The following LONP2 variants were observed in gnomAD, a reference collection of about 807,000 sequenced individuals.
The protein encoded by LONP2 is lon protease homolog 2, peroxisomal.
A neutral mutation model predicts 85.6 loss-of-function variants in LONP2; 60 were observed. The ratio of observed to expected loss-of-function variants is 0.70; its 90% confidence interval spans 0.57 to 0.87. LONP2 has a LOEUF of 0.87. LONP2 is among the 40% of genes least tolerant of loss of function. The pLI is 0.00. For synonymous variants in LONP2, 395 were observed against 389.7 expected, an observed-to-expected ratio of 1.01 and a Z score of -0.16; for missense variants, 860 against 1,063.5, an observed-to-expected ratio of 0.81 and a Z score of 2.66.
intron 11 of LONP2, among the ~76,000 whole-genome samples, chr16:48,316,645 A>G (rs763102992): frequency 1.3e-5 from 2 of 152,090 alleles, no homozygotes; most frequent in Non-Finnish European, 2.9e-5. Flanking sequence ...TTGTATATAT[A>G]TGGACTCCAA....
chr16:48,291,683 A>C (rs1024256328), intron 8 of LONP2, among the ~76,000 whole-genome samples: 1 of 152,222 alleles, frequency 6.6e-6, no homozygotes, highest in Admixed American at 6.5e-5. Flanking sequence ...GGGCAGTAGA[A>C]TCCCTGCTCT....
intron 12 of LONP2, 47 bp from the exon 13 acceptor site, chr16:48,347,460 C>T: frequency 6.3e-7 from 1 of 1,591,586 alleles, no homozygotes; most frequent in East Asian, 2.2e-5. Flanking sequence ...GTATCAGTCA[C>T]CTTTAGCATT....
At chr16:48,340,462 C>A (rs1206431091) in intron 12 of LONP2, among the ~76,000 whole-genome samples, 3 of 152,182 alleles carry the variant, frequency 2.0e-5, no homozygotes, top group East Asian at 1.9e-4. Context: ...TATTTAATAA[C>A]CTTATACCAC....
At chr16:48,337,121 T>C (rs181831122) in intron 12 of LONP2, among the ~76,000 whole-genome samples, 16 of 152,370 alleles carry the variant, frequency 1.1e-4, no homozygotes, top group Middle Eastern at 6.8e-3. Flanking sequence ...AAATGAATTG[T>C]ACAAATTCAC....
intron 1 of LONP2, among the ~76,000 whole-genome samples, chr16:48,246,493 A>C (rs11076560): frequency 0.047 from 7,150 of 152,318 alleles, 237 homozygotes; most frequent in Middle Eastern, 0.15. Context: ...GAACTTGAAA[A>C]GTCGATTTAG....
chr16:48,261,558 C>A lies in LONP2; in HGVS notation c.858C>A (p.Ala286=). ...KIRTSSMPEQ[A]HKVCVKEIKR... ...GAACATCTAGTATGCCAGAGCAGGC[C>A]CATAAAGTCTGTGTCAAAGAGATAA... The change falls in exon 5 of 15, where the codon GCC becomes GCA. Residue 286 remains alanine (A), a synonymous_variant. Coordinates refer to ENST00000285737, the MANE Select transcript of LONP2 (RefSeq NM_031490.5). 2 of 1,584,422 alleles carry A rather than the reference C, an allele frequency of 1.3e-6. No individual in the cohort carries two copies. The highest frequency in any genetic ancestry group is 1.1e-5 in the South Asian group (1 of 87,446).
At chr16:48,319,045 G>A (rs1973207295) in intron 11 of LONP2, among the ~76,000 whole-genome samples, 1 of 150,974 alleles carries the variant, frequency 6.6e-6, no homozygotes, top group Admixed American at 6.6e-5. Context: ...GGCCATGAGT[G>A]CATTTATGTT....
At chr16:48,334,556 C>A in intron 12 of LONP2, 198 bp downstream of exon 12, 1 of 707,312 alleles carries the variant, frequency 1.4e-6, no homozygotes. Flanking sequence ...CAGGCGAGCA[C>A]AGCTCTTGTG....
At chr16:48,284,839 G>A (rs1972405155) in intron 8 of LONP2, among the ~76,000 whole-genome samples, 1 of 152,130 alleles carries the variant, frequency 6.6e-6, no homozygotes, top group Admixed American at 6.6e-5. Context: ...TGCAAATATG[G>A]AATAATAAGG....
chr16:48,311,089 C>G (rs576234005), intron 11 of LONP2, among the ~76,000 whole-genome samples: 1 of 152,200 alleles, frequency 6.6e-6, no homozygotes, highest in East Asian at 1.9e-4. Flanking sequence ...GGGATTTTCC[C>G]TTCACATTGA....
chr16:48,259,498 A>G (rs1420667289), intron 4 of LONP2, among the ~76,000 whole-genome samples: 1 of 152,198 alleles, frequency 6.6e-6, no homozygotes, highest in Non-Finnish European at 1.5e-5. Context: ...TTTGATGTGG[A>G]CAGGATGTGA....
At chr16:48,292,500 T>C (rs892847647) in intron 8 of LONP2, among the ~76,000 whole-genome samples, 1 of 152,200 alleles carries the variant, frequency 6.6e-6, no homozygotes, top group Non-Finnish European at 1.5e-5. Context: ...TTTCACACTC[T>C]TCCTGAGTAA....
chr16:48,337,089 A>C (rs1337702815), intron 12 of LONP2, among the ~76,000 whole-genome samples: 1 of 152,220 alleles, frequency 6.6e-6, no homozygotes, highest in Non-Finnish European at 1.5e-5. Flanking sequence ...TTTACATACA[A>C]GGGAAAAAGT....
rs1973238898 is a variant in LONP2 at position 48,320,438 on chromosome 16, A to G, written c.1796-13778A>G. Among the ~76,000 whole-genome samples, 2 of 152,158 alleles carry G rather than the reference A, an allele frequency of 1.3e-5. 1 individual carries two copies. Among genetic ancestry groups the G allele is most frequent in the South Asian group, 4.1e-4 (2 of 4,830 alleles). ...TTGAGGAATATGGGTTTCAGAGACAAGAGTTTAGGCACTGGCTCATTGGTA... is the reference window on the plus strand; with the variant it reads ...TTGAGGAATATGGGTTTCAGAGACAGGAGTTTAGGCACTGGCTCATTGGTA... On this transcript the variant is annotated intron_variant, in intron 11 of 14. Coordinates refer to ENST00000285737, the MANE Select transcript of LONP2 (RefSeq NM_031490.5).
At chr16:48,303,138 T>C (rs890866203) in intron 10 of LONP2, 34 bp from the exon 11 acceptor site, 36 of 1,610,286 alleles carry the variant, frequency 2.2e-5, no homozygotes, top group Non-Finnish European at 2.9e-5. Flanking sequence ...AAGTGGTATA[T>C]AGTCAAAAAT....
chr16:48,258,565 T>C, intron 3 of LONP2, 53 bp from the exon 4 acceptor site: 1 of 1,534,320 alleles, frequency 6.5e-7, no homozygotes, highest in Non-Finnish European at 8.7e-7. Context: ...CTGTCTGTTT[T>C]TGGATTGTGT....
intron 11 of LONP2, among the ~76,000 whole-genome samples, chr16:48,322,550 A>G (rs770180036): frequency 1.8e-4 from 28 of 152,074 alleles, no homozygotes; most frequent in Non-Finnish European, 3.4e-4. Context: ...TCTTTTTTAC[A>G]GAAGGGAGTA....
At chr16:48,283,248 A>G (rs1254921247) in intron 8 of LONP2, among the ~76,000 whole-genome samples, 3 of 152,284 alleles carry the variant, frequency 2.0e-5, no homozygotes, top group Non-Finnish European at 2.9e-5. Context: ...TAGAAGCTGC[A>G]TCATGTTATC....
chr16:48,359,183 C>T (rs1486211954), downstream of LONP2, among the ~76,000 whole-genome samples: 2 of 151,986 alleles, frequency 1.3e-5, no homozygotes, highest in Admixed American at 6.5e-5. Context: ...ATGTTGGTCT[C>T]GAACTCCTGA....
Sources: allele counts gnomAD v4.1 joint callset (sites outside exome capture counted in the v4.1 genomes callset), GRCh38; gene constraint gnomAD v4.1.1; transcripts MANE v1.5; gene names NCBI Gene and HGNC (gene_info 2026-07-23, HGNC 2026-07-21).